The following COL22A1 variants were observed in gnomAD, a reference collection of about 807,000 sequenced individuals.
The protein encoded by COL22A1 is collagen alpha-1(XXII) chain.
A neutral mutation model predicts 248.9 loss-of-function variants in COL22A1; 221 were observed. The observed-to-expected ratio is 0.89, with a 90% confidence interval of 0.80 to 0.99. The LOEUF is 0.99. Among genes scored for constraint, COL22A1 ranks in the 50% least tolerant of loss-of-function variants. The pLI, the probability that COL22A1 is intolerant of heterozygous loss-of-function variation, is 0.00. For synonymous variants in COL22A1, 891 were observed against 793.4 expected, an observed-to-expected ratio of 1.12 and a Z score of -2.07; for missense variants, 2,240 against 2,179.0, an observed-to-expected ratio of 1.03 and a Z score of -0.56.
intron 48 of COL22A1, 24 bp downstream of exon 48, chr8:138,636,718 G>T (rs1289740701): frequency 6.3e-7 from 1 of 1,589,920 alleles, no homozygotes; most frequent in Non-Finnish European, 8.6e-7. Flanking sequence ...AGGGTGAATG[G>T]TTCCTTATAA....
At chr8:138,640,593 C>T (rs972707144) in intron 47 of COL22A1, among the ~76,000 whole-genome samples, 1 of 152,124 alleles carries the variant, frequency 6.6e-6, no homozygotes, top group Non-Finnish European at 1.5e-5. Flanking sequence ...CAGGTTACCC[C>T]TTGTTCCATG....
At chr8:138,814,864 T>A (rs1277683676) in intron 7 of COL22A1, among the ~76,000 whole-genome samples, 1 of 152,182 alleles carries the variant, frequency 6.6e-6, no homozygotes, top group Non-Finnish European at 1.5e-5. Context: ...CAAGAATTCA[T>A]CAGGCCCTCT....
At chr8:138,656,485 A>G (rs1823274484) in intron 44 of COL22A1, among the ~76,000 whole-genome samples, 1 of 152,178 alleles carries the variant, frequency 6.6e-6, no homozygotes, top group African/African-American at 2.4e-5. Context: ...GAAATCAGGA[A>G]TAATTACAGA....
At chr8:138,596,852 A>T (rs1175888990) in intron 62 of COL22A1, 52 bp downstream of exon 62, 22 of 1,542,700 alleles carry the variant, frequency 1.4e-5, no homozygotes, top group Non-Finnish European at 1.9e-5. Flanking sequence ...GAGTGAGAGA[A>T]CTGCTTCCTG....
At chr8:138,898,640 T>A (rs1814304581) in intron 1 of COL22A1, among the ~76,000 whole-genome samples, 1 of 152,010 alleles carries the variant, frequency 6.6e-6, no homozygotes. Flanking sequence ...GCGAAATAGG[T>A]CCCCAAGAGT....
At chr8:138,640,583 C>G (rs1821595489) in intron 47 of COL22A1, among the ~76,000 whole-genome samples, 1 of 152,142 alleles carries the variant, frequency 6.6e-6, no homozygotes, top group African/African-American at 2.4e-5. Flanking sequence ...GTGGCCTTCA[C>G]AGGTTACCCC....
At chr8:138,796,894 G>C (rs934156865) in intron 11 of COL22A1, 37 bp from the exon 12 acceptor site, 3 of 1,378,768 alleles carry the variant, frequency 2.2e-6, no homozygotes, top group Non-Finnish European at 3.1e-6. Flanking sequence ...TCACTACAGA[G>C]CATCTCCATG....
chr8:138,608,081 T>A, intron 56 of COL22A1, 92 bp from the exon 57 acceptor site: 1 of 1,151,236 alleles, frequency 8.7e-7, no homozygotes, highest in Non-Finnish European at 1.3e-6. Context: ...GGACTTGGTT[T>A]TACACAGAAT....
chr8:138,833,052 C>T lies in COL22A1; in HGVS notation c.832G>A (p.Val278Met). The T allele has an allele frequency of 6.2e-7, 1 of 1,611,598 alleles. No homozygotes were observed. The highest frequency in any genetic ancestry group is 8.5e-7 in the Non-Finnish European group (1 of 1,177,694). ...GTGGCCACTCACTCAGTACTTTGCA[C>T]CACAGGGAAGGATCCCATCCGTACA... ...SYVRMGSFPV[V>M]QSTEDVFPQG... is the part of the protein sequence containing the mutation. The change falls in exon 5 of 65, where the codon GTG (valine) becomes ATG (methionine). Residue 278 changes from valine to methionine, a missense_variant. Physicochemically the swap from Val to Met is conservative, Grantham distance 21. Coordinates refer to ENST00000303045, the MANE Select transcript of COL22A1 (RefSeq NM_152888.3).
chr8:138,755,532 T>G, intron 19 of COL22A1, 21 bp from the exon 20 acceptor site: 1 of 1,613,948 alleles, frequency 6.2e-7, no homozygotes, highest in South Asian at 1.1e-5. Flanking sequence ...AAGCAAGCAT[T>G]AGCAAAGGTG....
intron 52 of COL22A1, 70 bp downstream of exon 52, chr8:138,623,662 C>T: frequency 7.3e-7 from 1 of 1,374,222 alleles, no homozygotes; most frequent in Non-Finnish European, 1.0e-6. Context: ...TAGCTCCTCA[C>T]ACAAAGTAGT....
intron 56 of COL22A1, among the ~76,000 whole-genome samples, chr8:138,612,770 T>TA (rs1364553933): frequency 6.6e-6 from 1 of 150,762 alleles, no homozygotes; most frequent in Non-Finnish European, 1.5e-5. Flanking sequence ...CTACTAAAAA[T>TA]AAAAAAATAA....
chr8:138,910,101 G>T (rs1815345681), intron 1 of COL22A1, among the ~76,000 whole-genome samples: 1 of 152,198 alleles, frequency 6.6e-6, no homozygotes, highest in Non-Finnish European at 1.5e-5. Flanking sequence ...GCAAGGAGCT[G>T]ACTTTACTAA....
chr8:138,741,506 A>C (rs1292882817), intron 22 of COL22A1, among the ~76,000 whole-genome samples: 1 of 152,264 alleles, frequency 6.6e-6, no homozygotes, highest in Non-Finnish European at 1.5e-5. Flanking sequence ...AATCATGATA[A>C]TTATTTCAAA....
intron 51 of COL22A1, among the ~76,000 whole-genome samples, chr8:138,624,142 A>G (rs1233637960): frequency 6.6e-6 from 1 of 152,164 alleles, no homozygotes; most frequent in East Asian, 1.9e-4. Context: ...GGGTGAGCAC[A>G]GTGATGGGTG....
intron 1 of COL22A1, among the ~76,000 whole-genome samples, chr8:138,899,526 A>G (rs893659313): frequency 6.6e-6 from 1 of 151,774 alleles, no homozygotes; most frequent in African/African-American, 2.4e-5. Flanking sequence ...ATTGGGTCAT[A>G]ATTTTCTTTT....
intron 41 of COL22A1, among the ~76,000 whole-genome samples, chr8:138,674,477 A>C (rs1002066504): frequency 1.3e-5 from 2 of 152,236 alleles, no homozygotes; most frequent in African/African-American, 4.8e-5. Context: ...GGTTTTATCC[A>C]CCACGGAAGC....
At chr8:138,822,863 C>G (rs530387844) in intron 6 of COL22A1, among the ~76,000 whole-genome samples, 1 of 152,214 alleles carries the variant, frequency 6.6e-6, no homozygotes. Context: ...CTAGAACTCA[C>G]CATCTCCTCC....
intron 54 of COL22A1, among the ~76,000 whole-genome samples, chr8:138,616,367 C>A (rs930733386): frequency 7.9e-5 from 12 of 152,172 alleles, no homozygotes; most frequent in Non-Finnish European, 1.8e-4. Context: ...ATCCACTTGA[C>A]CCTCTCTACA....
Sources: gnomAD v4.1 joint callset for allele counts (sites outside exome capture counted in the v4.1 genomes callset) on GRCh38, gnomAD v4.1.1 for gene constraint, MANE v1.5 for transcripts, NCBI Gene and HGNC (gene_info 2026-07-23, HGNC 2026-07-21) for gene names.